ATF7IP: variants seen among roughly 807,000 people sequenced by gnomAD.
ATF7IP encodes activating transcription factor 7-interacting protein 1.
In ATF7IP, 23 loss-of-function variants were observed where a neutral mutation model predicts 106.4. The ratio of observed to expected loss-of-function variants is 0.22; its 90% CI spans 0.16 to 0.31. The LOEUF (loss-of-function observed/expected upper bound fraction) is 0.31. Among genes scored for constraint, ATF7IP ranks in the 10% least tolerant of loss-of-function variants. The probability of loss-of-function intolerance (pLI) is 1.00; values close to 1 mark genes in which losing one functional copy is unlikely to be tolerated. For synonymous variants in ATF7IP, 542 were observed against 539.0 expected (o/e 1.01, Z -0.08); for missense variants, 1,334 against 1,524.3 (o/e 0.88, Z 2.08).
intron 1 of ATF7IP, among the ~76,000 whole-genome samples, chr12:14,401,948 G>A (rs1469925796): frequency 1.3e-5 from 2 of 151,228 alleles, no homozygotes; most frequent in African/African-American, 2.4e-5. Flanking sequence ...TCCTGACCTC[G>A]TGATGCGCTT....
chr12:14,388,492 G>A (rs1565475319), intron 1 of ATF7IP, among the ~76,000 whole-genome samples: 2 of 151,662 alleles, frequency 1.3e-5, no homozygotes, highest in Admixed American at 6.6e-5. Context: ...CATTACAGGC[G>A]CCCATCACCA....
chr12:14,441,644 C>G (rs1942708562), intron 5 of ATF7IP, among the ~76,000 whole-genome samples: 1 of 151,988 alleles, frequency 6.6e-6, no homozygotes, highest in Admixed American at 6.5e-5. Context: ...CGTCTGCCAC[C>G]ACGCCCGGCC....
chr12:14,467,109 G>T (rs1406873025), intron 10 of ATF7IP, among the ~76,000 whole-genome samples: 3 of 151,984 alleles, frequency 2.0e-5, no homozygotes, highest in African/African-American at 7.2e-5. Context: ...TAACCACCCG[G>T]TAATAGAATA....
intron 1 of ATF7IP, among the ~76,000 whole-genome samples, chr12:14,370,902 AT>A (rs533633885): frequency 4.1e-3 from 590 of 144,662 alleles, no homozygotes; most frequent in Admixed American, 4.4e-3. Context: ...AACACAGACA[AT>A]TTTTTTTTTT....
chr12:14,400,060 G>A (rs761748009), intron 1 of ATF7IP, among the ~76,000 whole-genome samples: 19 of 152,022 alleles, frequency 1.2e-4, no homozygotes, highest in Non-Finnish European at 2.8e-4. Context: ...CACTAGCATG[G>A]AAGAGAGAAT....
chr12:14,384,872 T>TAAAAAA (rs34249435), intron 1 of ATF7IP, among the ~76,000 whole-genome samples: 2 of 135,564 alleles, frequency 1.5e-5, no homozygotes, highest in African/African-American at 2.8e-5. Context: ...CTATAAAAGG[T>TAAAAAA]AAAAAAAAAA....
In ATF7IP at chr12:14,425,397, C is replaced by A; in HGVS notation, c.1482C>A (p.Val494=). ...GTTTGCCAAAAGAAGCCTTTCTGGT[C>A]CTCTCTGATGAAGAGGATATTTCGG... ...SESLPKEAFL[V]LSDEEDISGE... The change falls in exon 2 of 15, where the codon GTC becomes GTA. Residue 494 remains valine, a synonymous_variant. Coordinates refer to ENST00000261168, the MANE Select transcript of ATF7IP (RefSeq NM_018179.5). The A allele has an allele frequency of 6.2e-7, 1 of 1,611,212 alleles. No individual in the cohort carries two copies. Among genetic ancestry groups the A allele is most frequent in the Non-Finnish European group, 8.5e-7 (1 of 1,179,230 alleles).
chr12:14,393,347 G>C (rs1030355198), intron 1 of ATF7IP, among the ~76,000 whole-genome samples: 1 of 151,756 alleles, frequency 6.6e-6, no homozygotes, highest in Non-Finnish European at 1.5e-5. Flanking sequence ...TCAGTATATG[G>C]TACTTAGAAA....
chr12:14,394,315 A>C (rs1024682062), intron 1 of ATF7IP, among the ~76,000 whole-genome samples: 3 of 152,218 alleles, frequency 2.0e-5, no homozygotes, highest in African/African-American at 7.2e-5. Context: ...GCCATAAGTA[A>C]GCTAAGGCTT....
In ATF7IP at chr12:14,425,066, A is replaced by G; in HGVS notation, c.1151A>G (p.Asp384Gly). 6.2e-7 allele frequency: 1 copy of G among 1,602,152 alleles called. No homozygotes were observed. Among genetic ancestry groups the G allele is most frequent in the Non-Finnish European group, 8.5e-7 (1 of 1,176,784 alleles). ...DIITELALGE[D>G]AISSSMEIDQ... ...ATCACAGAGCTTGCTCTTGGAGAAG[A>G]TGCTATATCTAGCAGTATGGAAATT... The change falls in exon 2 of 15, where the codon GAT (aspartate) becomes GGT (glycine). Residue 384 changes from aspartate (D) to glycine (G), a missense_variant. Around this residue, in one of 10 missense-constraint regions of ATF7IP, gnomAD observed 438 missense variants for 405.3 expected, o/e 1.08. Coordinates refer to ENST00000261168, the MANE Select transcript of ATF7IP (RefSeq NM_018179.5).
intron 3 of ATF7IP, 46 bp downstream of exon 3, chr12:14,434,469 T>C: frequency 9.1e-7 from 1 of 1,102,644 alleles, no homozygotes; most frequent in South Asian, 1.3e-5. Context: ...AAATAATAAT[T>C]CACTGTTTCT....
chr12:14,388,252 G>C (rs1250301876), intron 1 of ATF7IP, among the ~76,000 whole-genome samples: 1 of 151,704 alleles, frequency 6.6e-6, no homozygotes, highest in Non-Finnish European at 1.5e-5. Flanking sequence ...GTTTCTTCCT[G>C]TTGGTTAGGC....
intron 2 of ATF7IP, among the ~76,000 whole-genome samples, chr12:14,428,095 G>A (rs967151123): frequency 1.1e-4 from 16 of 152,012 alleles, no homozygotes; most frequent in Admixed American, 7.2e-4. Context: ...TCTATACAGA[G>A]TGTGGCACTA....
intron 10 of ATF7IP, among the ~76,000 whole-genome samples, chr12:14,473,510 A>G (rs1296086919): frequency 6.6e-6 from 1 of 152,114 alleles, no homozygotes; most frequent in African/African-American, 2.4e-5. Flanking sequence ...TTCATGTTGT[A>G]GATCTCTAAA....
At chr12:14,397,759 C>G (rs1214368289) in intron 1 of ATF7IP, among the ~76,000 whole-genome samples, 1 of 152,114 alleles carries the variant, frequency 6.6e-6, no homozygotes, top group Non-Finnish European at 1.5e-5. Context: ...TTTCCTCATA[C>G]AACTTACTGT....
Position 14,461,012 on chromosome 12 carries a change from G to C in ATF7IP, c.2676G>C (p.Val892=). The change falls in exon 9 of 15, where the codon GTG becomes GTC. Residue 892 remains valine, a synonymous_variant. Transcript: ENST00000261168. ...CCACAAGGACTTCTTTACCCACAGT[G>C]GGCCCATCAGGACTCTATAGTCCAT... The part of the protein sequence containing the change: ...VQATRTSLPT[V]GPSGLYSPST... 1 of 1,614,094 alleles carries C rather than the reference G, an allele frequency of 6.2e-7. No individual in the cohort carries two copies. The highest frequency in any genetic ancestry group is 1.3e-5 in the African/African-American group (1 of 75,024).
intron 1 of ATF7IP, among the ~76,000 whole-genome samples, chr12:14,406,410 A>G (rs1046974532): frequency 4.0e-5 from 6 of 151,858 alleles, no homozygotes; most frequent in Admixed American, 1.3e-4. Flanking sequence ...GTAGTGCTTT[A>G]TTAACAAAAT....
chr12:14,496,594 T>C (rs996549567), intron 14 of ATF7IP, among the ~76,000 whole-genome samples: 1 of 152,228 alleles, frequency 6.6e-6, no homozygotes, highest in Non-Finnish European at 1.5e-5. Flanking sequence ...TTGGGGTATA[T>C]GAAGTGAAAT....
At position 14,460,880 on chromosome 12, in the gene ATF7IP, T is replaced by G; in HGVS notation, c.2544T>G (p.Pro848=). 1 of 1,614,202 alleles carries G rather than the reference T, an allele frequency of 6.2e-7. No individual in the cohort carries two copies. Among genetic ancestry groups the G allele is most frequent in the Non-Finnish European group, 8.5e-7 (1 of 1,180,032 alleles). The change falls in exon 9 of 15, where the codon CCT becomes CCG. Residue 848 remains proline, a synonymous_variant. Transcript: ENST00000261168. The part of the protein sequence containing the change: ...LPNPTKPNNV[P]SVPSPSIQRN... ...ATCCCACTAAACCAAACAACGTTCC[T>G]TCTGTGCCCAGTCCTAGTATTCAAA... is the stretch of plus-strand genomic sequence containing the variant.
Sources: gnomAD v4.1 joint callset for allele counts (sites outside exome capture counted in the v4.1 genomes callset) on GRCh38, gnomAD v4.1.1 for gene constraint, gnomAD v4.1.1 regional missense constraint, MANE v1.5 for transcripts, NCBI Gene and HGNC (gene_info 2026-07-23, HGNC 2026-07-21) for gene names.